HDHD2: variants seen among roughly 807,000 people sequenced by gnomAD.
HDHD2 encodes haloacid dehalogenase-like hydrolase domain-containing protein 2.
In HDHD2, 26 loss-of-function variants were observed where a neutral mutation model predicts 24.8. The observed-to-expected ratio is 1.05, with a 90% CI of 0.77 to 1.45. HDHD2 has a LOEUF of 1.45. Ranked by LOEUF, HDHD2 falls within the 40% of genes most tolerant of loss-of-function variation. The pLI is 0.00. For missense variants in HDHD2, 299 were observed against 313.4 expected, an observed-to-expected ratio of 0.95 and a Z score of 0.35; for synonymous variants, 128 against 114.9, an observed-to-expected ratio of 1.11 and a Z score of -0.73.
chr18:47,120,758 G>A (rs1040166832), intron 4 of HDHD2, among the ~76,000 whole-genome samples: 1 of 152,050 alleles, frequency 6.6e-6, no homozygotes, highest in Non-Finnish European at 1.5e-5. Flanking sequence ...AAACACTCAG[G>A]GGCCACTGTA....
At chr18:47,127,723 A>C (rs2063673207) in intron 4 of HDHD2, among the ~76,000 whole-genome samples, 2 of 151,962 alleles carry the variant, frequency 1.3e-5, no homozygotes, top group South Asian at 2.1e-4. Context: ...AAAAAAAAAA[A>C]AAAAAACCAA....
chr18:47,116,335 A>C (rs1267279505), intron 4 of HDHD2, among the ~76,000 whole-genome samples: 1 of 152,208 alleles, frequency 6.6e-6, no homozygotes, highest in African/African-American at 2.4e-5. Context: ...TACTTCGTTA[A>C]AATATTTAGT....
At chr18:47,119,722 T>A (rs1396643668) in intron 4 of HDHD2, among the ~76,000 whole-genome samples, 1 of 152,226 alleles carries the variant, frequency 6.6e-6, no homozygotes, top group African/African-American at 2.4e-5. Context: ...GAATGTTGAA[T>A]CCTTTCCAGA....
At chr18:47,122,540 T>C (rs2063617419) in intron 4 of HDHD2, among the ~76,000 whole-genome samples, 1 of 152,110 alleles carries the variant, frequency 6.6e-6, no homozygotes, top group African/African-American at 2.4e-5. Flanking sequence ...TAAACTAAAG[T>C]AATGCCAAAG....
At chr18:47,110,612 GTA>G (rs982656967) in intron 6 of HDHD2, 18 of 985,188 alleles carry the variant, frequency 1.8e-5, no homozygotes, top group African/African-American at 3.5e-5. Context: ...AGTGGCTTAG[GTA>G]TATGTTTTAG....
At chr18:47,120,363 C>G (rs773805052) in intron 4 of HDHD2, among the ~76,000 whole-genome samples, 1 of 152,208 alleles carries the variant, frequency 6.6e-6, no homozygotes, top group Non-Finnish European at 1.5e-5. Context: ...TTTATGGAGA[C>G]AGCTTCTTTC....
chr18:47,123,254 C>T (rs1307852934), intron 4 of HDHD2, among the ~76,000 whole-genome samples: 1 of 152,156 alleles, frequency 6.6e-6, no homozygotes, highest in African/African-American at 2.4e-5. Context: ...ACCCAATTAG[C>T]TTTCTATGTA....
chr18:47,147,122 A>C (rs1279728629), intron 1 of HDHD2, among the ~76,000 whole-genome samples: 1 of 152,236 alleles, frequency 6.6e-6, no homozygotes, highest in Non-Finnish European at 1.5e-5. Context: ...CCAGACAATT[A>C]CTATACACTC....
At chr18:47,141,855 G>A (rs942537536) in intron 1 of HDHD2, among the ~76,000 whole-genome samples, 3 of 152,260 alleles carry the variant, frequency 2.0e-5, no homozygotes, top group African/African-American at 2.4e-5. Context: ...ATCTTGAATC[G>A]TAGCTCCCAT....
In HDHD2 at chr18:47,134,720, T is replaced by G; in HGVS notation, c.102-16A>C. On this transcript the variant is annotated splice_polypyrimidine_tract_variant and intron_variant, in intron 2 of 6. Coordinates refer to ENST00000300605, the MANE Select transcript of HDHD2 (RefSeq NM_032124.5). Reference sequence around the variant, plus strand: ...ACCACGTAACCTGGAGAGGGCCAAATTCAGAAGTCAAAAGGCAGCTTTTAC... The same window carrying G: ...ACCACGTAACCTGGAGAGGGCCAAAGTCAGAAGTCAAAAGGCAGCTTTTAC... The G allele has an allele frequency of 6.2e-7, 1 of 1,603,804 alleles. No homozygotes were observed. The highest frequency in any genetic ancestry group is 8.5e-7 in the Non-Finnish European group (1 of 1,172,400).
intron 4 of HDHD2, among the ~76,000 whole-genome samples, chr18:47,122,175 G>C (rs1016238067): frequency 4.6e-5 from 7 of 152,108 alleles, no homozygotes; most frequent in Non-Finnish European, 8.8e-5. Context: ...TTAAATCATG[G>C]ATGAACCTCT....
chr18:47,134,746 A>G, intron 2 of HDHD2, 42 bp from the exon 3 acceptor site: 2 of 1,487,838 alleles, frequency 1.3e-6, no homozygotes, highest in Non-Finnish European at 9.3e-7. Flanking sequence ...CAGCTTTTAC[A>G]TTCTGGCCCT....
At chr18:47,108,907 A>G (rs1332947433) in intron 6 of HDHD2, 122 bp from the exon 7 acceptor site, 3 of 615,626 alleles carry the variant, frequency 4.9e-6, no homozygotes, top group South Asian at 2.0e-5. Context: ...CAGGGGCTGC[A>G]CATCTCCCAA....
In HDHD2 at chr18:47,115,218, CT is replaced by C. The variant is rs2063548424; in HGVS notation, c.525del (p.Val176SerfsTer26). The C allele has an allele frequency of 6.2e-7, 1 of 1,614,084 alleles. No individual in the cohort carries two copies. The highest frequency in any genetic ancestry group is 1.1e-5 in the South Asian group (1 of 91,078). On this transcript the variant is annotated frameshift_variant, in exon 5 of 7. Transcript: ENST00000300605. LOFTEE classifies it high-confidence loss of function. ...AACGTCTTCTCTGGTTTCCCCACGA[CT>C]GTGGCTTTGGTATCTGTGGCATACT... The part of the protein sequence containing the change: ...ALEYATDTKA[T>X]VVGKPEKTFF...
intron 2 of HDHD2, among the ~76,000 whole-genome samples, chr18:47,135,340 C>T (rs1293409846): frequency 1.3e-5 from 2 of 151,278 alleles, no homozygotes; most frequent in African/African-American, 2.4e-5. Context: ...CAGCGCACCG[C>T]AACCTCCGCC....
At position 47,107,767 on chromosome 18, in the gene HDHD2, A is replaced by G. The variant is rs886998672; in HGVS notation, c.*915T>C. 22 of 152,724 alleles carry G rather than the reference A, an allele frequency of 1.4e-4. No individual in the cohort carries two copies. Among genetic ancestry groups the G allele is most frequent in the East Asian group, 3.9e-4 (2 of 5,180 alleles). The allele number at this position is 152,724 out of a possible 1,614,324, so 9.5% of individuals were successfully genotyped here. A position where few individuals can be genotyped will look rare whatever the true frequency, so the allele number is the denominator to read the frequency against. ...AATCTGTCCCAATAGCTTCTAAAAA[A>G]TTTTTCCCATAGTGTCAGAGGCAAA... On this transcript the variant is annotated 3_prime_UTR_variant, in exon 7 of 7. Coordinates refer to ENST00000300605, the MANE Select transcript of HDHD2 (RefSeq NM_032124.5).
At chr18:47,122,133 T>G (rs938868294) in intron 4 of HDHD2, among the ~76,000 whole-genome samples, 1 of 152,302 alleles carries the variant, frequency 6.6e-6, no homozygotes, top group Middle Eastern at 3.4e-3. Context: ...AAATAAGGCC[T>G]GGTACCTTTT....
intron 2 of HDHD2, among the ~76,000 whole-genome samples, chr18:47,135,339 G>A (rs186851222): frequency 1.5e-4 from 22 of 143,808 alleles, no homozygotes; most frequent in African/African-American, 4.7e-4. Context: ...TCAGCGCACC[G>A]CAACCTCCGC....
At chr18:47,142,580 T>A (rs560006900) in intron 1 of HDHD2, among the ~76,000 whole-genome samples, 1 of 152,144 alleles carries the variant, frequency 6.6e-6, no homozygotes. Context: ...AAAAAACTTG[T>A]ATATGCTTCT....
Sources: gnomAD v4.1 joint callset for allele counts (sites outside exome capture counted in the v4.1 genomes callset) on GRCh38, gnomAD v4.1.1 for gene constraint, MANE v1.5 for transcripts, NCBI Gene and HGNC (gene_info 2026-07-23, HGNC 2026-07-21) for gene names.